LGR6: variants seen among roughly 807,000 people sequenced by gnomAD.
LGR6 encodes the protein leucine rich repeat containing G protein-coupled receptor 6.
LGR6 carries 45 observed loss-of-function variants against 69.4 expected under a neutral mutation model. That is an observed-to-expected ratio of 0.65 (90% CI 0.51 to 0.83). The LOEUF is 0.83. Among genes scored for constraint, LGR6 ranks in the 40% least tolerant of loss-of-function variants. The pLI, the probability that LGR6 is intolerant of heterozygous loss-of-function variation, is 0.00. For missense variants in LGR6, 1,108 were observed against 1,246.7 expected, an observed-to-expected ratio of 0.89 and a Z score of 1.68; for synonymous variants, 538 against 555.0, an observed-to-expected ratio of 0.97 and a Z score of 0.43.
intron 2 of LGR6, among the ~76,000 whole-genome samples, chr1:202,226,876 G>A (rs1660595822): frequency 6.6e-6 from 1 of 152,208 alleles, no homozygotes; most frequent in Non-Finnish European, 1.5e-5. Flanking sequence ...AGGCAGTGGA[G>A]GGGCCTTTTG....
intron 3 of LGR6, among the ~76,000 whole-genome samples, chr1:202,233,394 G>T (rs60957513): frequency 6.6e-6 from 1 of 151,924 alleles, no homozygotes; most frequent in African/African-American, 2.4e-5. Flanking sequence ...AGCAGCCTGC[G>T]ACCCCCTGTT....
chr1:202,278,487 G>C (rs1665762448), intron 5 of LGR6, among the ~76,000 whole-genome samples: 1 of 152,110 alleles, frequency 6.6e-6, no homozygotes, highest in Non-Finnish European at 1.5e-5. Flanking sequence ...ACTGGTGCGG[G>C]AGCAAAGCTG....
At chr1:202,254,899 CAAAAAA>C (rs71890535) in intron 4 of LGR6, among the ~76,000 whole-genome samples, 5 of 124,346 alleles carry the variant, frequency 4.0e-5, no homozygotes, top group African/African-American at 6.7e-5. Context: ...TCTGTCTCTA[CAAAAAA>C]AAAAAAAAAA....
At chr1:202,287,757 C>T (rs140836246) in intron 6 of LGR6, among the ~76,000 whole-genome samples, 12 of 152,238 alleles carry the variant, frequency 7.9e-5, no homozygotes, top group Admixed American at 3.3e-4. Context: ...CCATTGGCCC[C>T]ATCTTCCAAC....
At chr1:202,199,457 A>G (rs1658757886) in intron 1 of LGR6, among the ~76,000 whole-genome samples, 1 of 152,216 alleles carries the variant, frequency 6.6e-6, no homozygotes, top group South Asian at 2.1e-4. Flanking sequence ...CCTAGGCAAA[A>G]GAAAAAGGAA....
chr1:202,199,506 C>G (rs1045690800), intron 1 of LGR6, among the ~76,000 whole-genome samples: 2 of 152,168 alleles, frequency 1.3e-5, no homozygotes, highest in Non-Finnish European at 2.9e-5. Context: ...GGGGCGCGGC[C>G]GGGTGGGGCG....
rs115894196 is a variant in LGR6 at position 202,267,906 on chromosome 1, T to G, written c.429-8400T>G. 7.9e-3 allele frequency among the ~76,000 whole-genome samples: 1,201 copies of G among 152,266 alleles called. 19 individuals carry two copies. Among genetic ancestry groups the G allele is most frequent in the African/African-American group, 0.027 (1,139 of 41,546 alleles). ...ATTGAAGACAAAGGGAATGATACCATCTGTAATGAGAGGCATTTCAGGCAG... is the reference window on the plus strand; with the variant it reads ...ATTGAAGACAAAGGGAATGATACCAGCTGTAATGAGAGGCATTTCAGGCAG... On this transcript the variant is annotated intron_variant, in intron 4 of 17. Coordinates refer to ENST00000367278, the MANE Select transcript of LGR6 (RefSeq NM_001017403.2).
chr1:202,228,911 C>T (rs1323903820), intron 3 of LGR6, among the ~76,000 whole-genome samples: 1 of 152,134 alleles, frequency 6.6e-6, no homozygotes, highest in Non-Finnish European at 1.5e-5. Context: ...TCTGCTACTC[C>T]CTTACCCCTG....
intron 6 of LGR6, among the ~76,000 whole-genome samples, chr1:202,283,170 T>C (rs1666141772): frequency 6.6e-6 from 1 of 152,204 alleles, no homozygotes. Context: ...TACACTCCTT[T>C]CTCCTTTCCC....
At chr1:202,272,538 A>G (rs1330553467) in intron 4 of LGR6, among the ~76,000 whole-genome samples, 1 of 152,312 alleles carries the variant, frequency 6.6e-6, no homozygotes, top group Admixed American at 6.5e-5. Flanking sequence ...GACAGAAGAT[A>G]GTTTCTCTCT....
At chr1:202,255,956 CCAAGTT>C (rs1389635152) in intron 4 of LGR6, among the ~76,000 whole-genome samples, 8 of 152,292 alleles carry the variant, frequency 5.3e-5, no homozygotes, top group Middle Eastern at 3.4e-3. Flanking sequence ...AGCATATTTA[CCAAGTT>C]GTGCAACTAT....
chr1:202,304,788 T>C (rs1156285225), intron 11 of LGR6, among the ~76,000 whole-genome samples, 158 bp downstream of exon 11: 4 of 152,178 alleles, frequency 2.6e-5, no homozygotes, highest in African/African-American at 9.7e-5. Context: ...AGGACCGGGT[T>C]TGAGGCACAG....
At chr1:202,204,448 CA>C (rs1658977459) in intron 1 of LGR6, among the ~76,000 whole-genome samples, 16 of 35,688 alleles carry the variant, frequency 4.5e-4, no homozygotes, top group Admixed American at 1.0e-3. Context: ...CACACACCTC[CA>C]CACACACACA....
intron 1 of LGR6, among the ~76,000 whole-genome samples, chr1:202,207,010 C>T (rs780611727): frequency 4.9e-4 from 74 of 151,998 alleles, no homozygotes; most frequent in Non-Finnish European, 7.8e-4. Flanking sequence ...CTCCGCCTCT[C>T]GGGTTCAAGC....
At chr1:202,241,563 G>T (rs1399649983) in intron 4 of LGR6, among the ~76,000 whole-genome samples, 1 of 152,172 alleles carries the variant, frequency 6.6e-6, no homozygotes, top group African/African-American at 2.4e-5. Context: ...GTTTGGGAGG[G>T]GGGAGAATGG....
intron 4 of LGR6, among the ~76,000 whole-genome samples, chr1:202,270,804 C>T (rs1207329240): frequency 1.3e-5 from 2 of 152,194 alleles, no homozygotes; most frequent in Non-Finnish European, 2.9e-5. Context: ...GACCCTATGT[C>T]CCCATCTCCC....
chr1:202,236,063 T>A lies in LGR6; in HGVS notation c.428+70T>A, dbSNP rs1177317044. On this transcript the variant is annotated intron_variant, in intron 4 of 17. Transcript: ENST00000367278. ...GCCTGAGTCACAGCCCAGGGCCCCC[T>A]GCCTCAGCTTTCCCTTCCCTCTGCA... 3.0e-6 allele frequency: 4 copies of A among 1,315,484 alleles called. No individual in the cohort carries two copies. In the African/African-American group the frequency reaches 4.3e-5, roughly 14 times the overall value. 81.5% of individuals were successfully genotyped at this position (1,315,484 alleles called of 1,614,324 possible).
chr1:202,301,490 A>G (rs1422163233), intron 9 of LGR6, among the ~76,000 whole-genome samples: 1 of 152,146 alleles, frequency 6.6e-6, no homozygotes, highest in African/African-American at 2.4e-5. Context: ...GTCCATCTCC[A>G]TAGTCAAGGA....
In LGR6 at chr1:202,280,857, G is replaced by A. The variant is rs1033506836; in HGVS notation, c.716+5G>A. The A allele has an allele frequency of 1.6e-5, 26 of 1,612,698 alleles. No individual in the cohort carries two copies. The highest frequency in any genetic ancestry group is 2.1e-5 in the Non-Finnish European group (25 of 1,179,250). The stretch of plus-strand genomic sequence containing the variant: ...GCTGCACAATCTGGAGACACTGTGA[G>A]TTTTGAGGTCTTGGTCAAACTCTGT... On this transcript the variant is annotated splice_donor_5th_base_variant and intron_variant, in intron 6 of 17. Coordinates refer to ENST00000367278, the MANE Select transcript of LGR6 (RefSeq NM_001017403.2).
Sources: gnomAD v4.1 joint callset for allele counts (sites outside exome capture counted in the v4.1 genomes callset) on GRCh38, gnomAD v4.1.1 for gene constraint, MANE v1.5 for transcripts, NCBI Gene and HGNC (gene_info 2026-07-23, HGNC 2026-07-21) for gene names.